The following CHADL variants were observed in gnomAD, a reference collection of about 807,000 sequenced individuals.
CHADL encodes chondroadherin-like protein.
CHADL carries 48 observed loss-of-function variants against 52.1 expected under a neutral mutation model. The ratio of observed to expected loss-of-function variants is 0.92; its 90% CI spans 0.73 to 1.17. The LOEUF is 1.17. CHADL is among the 50% of genes most tolerant of loss of function. The pLI, the probability that CHADL is intolerant of heterozygous loss-of-function variation, is 0.00. For synonymous variants in CHADL, 498 were observed against 511.2 expected, an observed-to-expected ratio of 0.97 and a Z score of 0.35; for missense variants, 977 against 1,035.1, an observed-to-expected ratio of 0.94 and a Z score of 0.77.
intron 5 of CHADL, among the ~76,000 whole-genome samples, chr22:41,232,396 C>A (rs2032635982): frequency 6.6e-6 from 1 of 152,018 alleles, no homozygotes; most frequent in Non-Finnish European, 1.5e-5. Flanking sequence ...GGTTTGTCTG[C>A]CAGATGACCT....
intron 5 of CHADL, among the ~76,000 whole-genome samples, chr22:41,232,157 C>G (rs965427584): frequency 1.3e-5 from 2 of 151,778 alleles, no homozygotes; most frequent in Admixed American, 1.3e-4. Context: ...ACGATGAAAC[C>G]CTGTCTCTAC....
At chr22:41,240,772 C>T (rs2145641035) in intron 1 of CHADL, 102 bp downstream of exon 1, 3 of 1,413,156 alleles carry the variant, frequency 2.1e-6, no homozygotes, top group Non-Finnish European at 1.9e-6. Flanking sequence ...CCCCAGAGCC[C>T]CTGCCCGCCA....
intron 5 of CHADL, among the ~76,000 whole-genome samples, chr22:41,234,094 A>G (rs9623354): frequency 0.069 from 10,576 of 152,194 alleles, 982 homozygotes; most frequent in African/African-American, 0.21. Flanking sequence ...GGCAGAGCCA[A>G]TGATGCACCT....
chr22:41,240,543 G>A (rs1043586724), intron 1 of CHADL, among the ~76,000 whole-genome samples: 12 of 152,224 alleles, frequency 7.9e-5, no homozygotes, highest in Non-Finnish European at 1.3e-4. Context: ...CGTTGGAGTT[G>A]GTGGCTTCTC....
chr22:41,231,781 AG>A (rs1465297219), intron 5 of CHADL, among the ~76,000 whole-genome samples: 3 of 152,132 alleles, frequency 2.0e-5, no homozygotes, highest in African/African-American at 7.2e-5. Context: ...CAGGACCCAC[AG>A]GGGCTCCTGG....
intron 4 of CHADL, 45 bp from the exon 5 acceptor site, chr22:41,235,388 T>G: frequency 1.3e-6 from 2 of 1,506,540 alleles, no homozygotes; most frequent in South Asian, 2.4e-5. Context: ...CTGATTCTGC[T>G]CCAGTGGCCT....
chr22:41,238,689 TCCTGGGGCA>T lies in CHADL; in HGVS notation c.374_382del (p.Leu125_Glu128delinsGln). On this transcript the variant is annotated inframe_deletion, in exon 3 of 6. Coordinates refer to ENST00000216241, the MANE Select transcript of CHADL (RefSeq NM_138481.2). The surrounding 1 kb of genome is among the most constrained non-coding windows in gnomAD (Gnocchi z 4.9). ...CAACGAGCCCAGCCCGTCCAGCGCC[TCCTGGGGCA>T]GCTCACGCAGGTGGTTGGAGGCCAG... The T allele has an allele frequency of 2.6e-6, 4 of 1,546,314 alleles. No homozygotes were observed. Among genetic ancestry groups the T allele is most frequent in the Non-Finnish European group, 3.5e-6 (4 of 1,145,882 alleles).
At chr22:41,229,990 C>T in intron 5 of CHADL, 1 of 689,086 alleles carries the variant, frequency 1.5e-6, no homozygotes, top group Non-Finnish European at 2.5e-6. Flanking sequence ...TTTGCTGCTG[C>T]CACTGCCCTC....
At chr22:41,235,485 G>A in intron 4 of CHADL, 142 bp from the exon 5 acceptor site, 2 of 676,108 alleles carry the variant, frequency 3.0e-6, no homozygotes, top group Non-Finnish European at 5.0e-6. Context: ...CGCTCAACAA[G>A]CATTTGCCAG....
Position 41,236,480 on chromosome 22 carries a change from C to T in CHADL, c.2063+4G>A, listed in dbSNP as rs1488389817. Reference sequence around the variant, plus strand: ...TGGCTGGAGGTCTAGGTGGGGGTGCCCACCTGTGCAGCGGAAGCAGCTGGC... The same window carrying T: ...TGGCTGGAGGTCTAGGTGGGGGTGCTCACCTGTGCAGCGGAAGCAGCTGGC... On this transcript the variant is annotated splice_donor_region_variant and intron_variant, in intron 4 of 5. Coordinates refer to ENST00000216241, the MANE Select transcript of CHADL (RefSeq NM_138481.2). The T allele has an allele frequency of 1.3e-6, 2 of 1,550,352 alleles. No homozygotes were observed. Among genetic ancestry groups the T allele is most frequent in the South Asian group, 2.4e-5 (2 of 84,014 alleles).
At chr22:41,240,481 T>C (rs1199871172) in intron 1 of CHADL, among the ~76,000 whole-genome samples, 1 of 152,210 alleles carries the variant, frequency 6.6e-6, no homozygotes, top group Non-Finnish European at 1.5e-5. Context: ...CGCTGCTCAC[T>C]GGACTATCGT....
intron 3 of CHADL, 81 bp downstream of exon 3, chr22:41,237,095 A>G: frequency 7.2e-7 from 1 of 1,393,774 alleles, no homozygotes; most frequent in South Asian, 1.4e-5. Flanking sequence ...AGGGGCTGGC[A>G]AATGCTTGTT....
At chr22:41,232,068 C>T (rs895301957) in intron 5 of CHADL, among the ~76,000 whole-genome samples, 4 of 152,122 alleles carry the variant, frequency 2.6e-5, no homozygotes, top group East Asian at 3.8e-4. Flanking sequence ...CGCGGTGGCT[C>T]ACGCCTGTAA....
intron 5 of CHADL, among the ~76,000 whole-genome samples, chr22:41,232,094 A>G (rs370603055): frequency 2.6e-5 from 4 of 152,130 alleles, no homozygotes; most frequent in Non-Finnish European, 5.9e-5. Flanking sequence ...GCACTTTGGG[A>G]GGCCACGGCG....
rs2032720160 is a variant in CHADL at position 41,235,299 on chromosome 22, G to T, written c.2108C>A (p.Thr703Asn). Residue 703 changes from threonine to asparagine, a missense_variant, in exon 5 of 6, where the codon ACC (threonine) becomes AAC (asparagine). Thr to Asn is a moderately conservative substitution (Grantham distance 65). Coordinates refer to ENST00000216241, the MANE Select transcript of CHADL (RefSeq NM_138481.2). ...CCTCTGGCCACGGGCATTGGGAGGGGTGGCGCAGGTGGCCCCCACCCGCAG... is the reference window on the plus strand; with the variant it reads ...CCTCTGGCCACGGGCATTGGGAGGGTTGGCGCAGGTGGCCCCCACCCGCAG... ...LNLRVGATCA[T>N]PPNARGQRVK... 1 of 1,551,010 alleles carries T rather than the reference G, an allele frequency of 6.4e-7. No homozygotes were observed. Among genetic ancestry groups the T allele is most frequent in the Non-Finnish European group, 8.7e-7 (1 of 1,147,024 alleles).
At chr22:41,232,666 G>C (rs1412906461) in intron 5 of CHADL, among the ~76,000 whole-genome samples, 1 of 152,146 alleles carries the variant, frequency 6.6e-6, no homozygotes, top group African/African-American at 2.4e-5. Context: ...GGGATGGCTA[G>C]GTCAAATGGC....
chr22:41,231,568 C>T (rs1314366355), intron 5 of CHADL, among the ~76,000 whole-genome samples: 23 of 152,248 alleles, frequency 1.5e-4, no homozygotes, highest in Admixed American at 1.4e-3. Flanking sequence ...TGGGAATGTG[C>T]GCATGACCAC....
chr22:41,238,436 GCTGAGCCGT>G lies in CHADL; in HGVS notation c.627_635del (p.Arg209_Leu211del). 1 of 1,528,066 alleles carries G rather than the reference GCTGAGCCGT, an allele frequency of 6.5e-7. No individual in the cohort carries two copies. The highest frequency in any genetic ancestry group is 8.8e-7 in the Non-Finnish European group (1 of 1,140,358). The allele number at this position is 1,528,066 out of a possible 1,614,324, so 94.7% of individuals were successfully genotyped here. Reference sequence around the variant, plus strand: ...GAGCCTGGAGCTCGTTGTGGTGTAGGCTGAGCCGTCTCAGGGCGGGCAGGCCAGCCAGGG... The same window carrying G: ...GAGCCTGGAGCTCGTTGTGGTGTAGGCTCAGGGCGGGCAGGCCAGCCAGGG... On this transcript the variant is annotated inframe_deletion, in exon 3 of 6. Transcript: ENST00000216241. The surrounding 1 kb of genome is among the most constrained non-coding windows in gnomAD (Gnocchi z 4.9).
rs1248795926 is a variant in CHADL, at chr22:41,240,906, C to G, written c.-25G>C. The G allele has an allele frequency of 1.3e-6, 2 of 1,548,256 alleles. No individual in the cohort carries two copies. Among genetic ancestry groups the G allele is most frequent in the Non-Finnish European group, 1.7e-6 (2 of 1,146,466 alleles). On this transcript the variant is annotated 5_prime_UTR_variant, in exon 1 of 6. Coordinates refer to ENST00000216241, the MANE Select transcript of CHADL (RefSeq NM_138481.2). ...TGCCGCCTGGAACTGCTGGTCCAGCCTGGAGGCGCAGCGCAGGGACAGGCT... is the reference window on the plus strand; with the variant it reads ...TGCCGCCTGGAACTGCTGGTCCAGCGTGGAGGCGCAGCGCAGGGACAGGCT...
Sources: allele counts gnomAD v4.1 joint callset (sites outside exome capture counted in the v4.1 genomes callset), GRCh38; gene constraint gnomAD v4.1.1; non-coding constraint Gnocchi (gnomAD v3.1); transcripts MANE v1.5; gene names NCBI Gene and HGNC (gene_info 2026-07-23, HGNC 2026-07-21).